The following EPHA4 variants were observed in gnomAD, a reference collection of about 807,000 sequenced individuals.
EPHA4 encodes the protein EPH receptor A4.
EPHA4 carries 19 observed loss-of-function variants against 108.3 expected under a neutral mutation model. The ratio of observed to expected loss-of-function variants is 0.18; its 90% CI spans 0.12 to 0.26. The LOEUF (loss-of-function observed/expected upper bound fraction) is 0.26. Among genes scored for constraint, EPHA4 ranks in the 10% least tolerant of loss-of-function variants. EPHA4 has a pLI of 1.00. For missense variants in EPHA4, 917 were observed against 1,254.0 expected (o/e 0.73, Z 4.06); for synonymous variants, 449 against 455.5 (o/e 0.99, Z 0.18).
rs537275762 is a variant in EPHA4 at position 221,542,907 on chromosome 2, A to T, written c.823+20824T>A. 9.8e-5 allele frequency among the ~76,000 whole-genome samples: 15 copies of T among 152,346 alleles called. No individual in the cohort carries two copies. In the South Asian group the frequency reaches 3.1e-3, roughly 32 times the overall value. On this transcript the variant is annotated intron_variant, in intron 3 of 17. Coordinates refer to ENST00000281821, the MANE Select transcript of EPHA4 (RefSeq NM_004438.5). ...AAAAACCTTGAGAAAGTAAAACTTTAAAAGAAGTTTTCTCACATGCAAGTG... is the reference window on the plus strand; with the variant it reads ...AAAAACCTTGAGAAAGTAAAACTTTTAAAGAAGTTTTCTCACATGCAAGTG...
chr2:221,553,711 C>T lies in EPHA4; in HGVS notation c.823+10020G>A, dbSNP rs190022295. On this transcript the variant is annotated intron_variant, in intron 3 of 17. Coordinates refer to ENST00000281821, the MANE Select transcript of EPHA4 (RefSeq NM_004438.5). The stretch of plus-strand genomic sequence containing the variant: ...AATATGAACAACATGGAACCTTTTT[C>T]GCCTTGCTTCTAAATTGTTAGCTTT... Among the ~76,000 whole-genome samples, 19 of 152,302 alleles carry T rather than the reference C, an allele frequency of 1.2e-4. No homozygotes were observed. In the East Asian group the frequency reaches 3.5e-3, roughly 28 times the overall value.
intron 16 of EPHA4, 90 bp downstream of exon 16, chr2:221,426,374 T>C: frequency 2.8e-6 from 4 of 1,447,794 alleles, no homozygotes; most frequent in Non-Finnish European, 3.7e-6. Context: ...TTTTTTTAAA[T>C]GAGTAGGATG....
chr2:221,535,360 G>T (rs570403310), intron 3 of EPHA4, among the ~76,000 whole-genome samples: 5 of 152,194 alleles, frequency 3.3e-5, no homozygotes, highest in Non-Finnish European at 7.3e-5. Flanking sequence ...GCAACCACTA[G>T]GGTTCATCAT....
chr2:221,519,533 G>C (rs1468025660), intron 3 of EPHA4, among the ~76,000 whole-genome samples: 1 of 152,184 alleles, frequency 6.6e-6, no homozygotes, highest in African/African-American at 2.4e-5. Flanking sequence ...CTCTTCAGAC[G>C]AATCCAACAG....
intron 17 of EPHA4, among the ~76,000 whole-genome samples, chr2:221,424,275 C>T (rs1689834219): frequency 6.6e-6 from 1 of 151,718 alleles, no homozygotes; most frequent in African/African-American, 2.4e-5. Flanking sequence ...GTTTTAAAAA[C>T]AAATTTCACA....
intron 15 of EPHA4, among the ~76,000 whole-genome samples, chr2:221,429,678 C>A (rs1251838734): frequency 1.3e-5 from 2 of 152,164 alleles, no homozygotes; most frequent in East Asian, 3.9e-4. Context: ...AAATTTCAGG[C>A]CTGGCATCCT....
intron 3 of EPHA4, among the ~76,000 whole-genome samples, chr2:221,545,647 A>G (rs1444939506): frequency 7.2e-5 from 11 of 152,138 alleles, no homozygotes; most frequent in Non-Finnish European, 1.6e-4. Context: ...TCTGAAACTA[A>G]GGATGGAATA....
intron 3 of EPHA4, among the ~76,000 whole-genome samples, chr2:221,513,515 GC>G (rs2106167272): frequency 6.6e-6 from 1 of 152,130 alleles, no homozygotes; most frequent in East Asian, 1.9e-4. Flanking sequence ...TGTTGATGGG[GC>G]CTGAGAATCA....
chr2:221,482,376 C>T lies in EPHA4; in HGVS notation c.1294G>A (p.Val432Ile). Residue 432 changes from valine (V) to isoleucine (I), a missense_variant, in exon 5 of 18, where the codon GTC becomes ATC. Transcript: ENST00000281821. ...CCTGCTTGGTTGGTGGTCACAGTGA[C>T]AGAAACTGATTGGTCTGGGTTAGGG... is the stretch of plus-strand genomic sequence containing the variant. ...YNPNPDQSVS[V>I]TVTTNQAAPS... is the part of the protein sequence containing the mutation. The T allele has an allele frequency of 6.2e-7, 1 of 1,608,808 alleles. No homozygotes were observed. Among genetic ancestry groups the T allele is most frequent in the East Asian group, 2.2e-5 (1 of 44,762 alleles).
intron 11 of EPHA4, among the ~76,000 whole-genome samples, chr2:221,441,320 C>A (rs895426473): frequency 6.6e-6 from 1 of 150,834 alleles, no homozygotes; most frequent in Non-Finnish European, 1.5e-5. Flanking sequence ...TATGGACAGG[C>A]GGCAGGGAAA....
At chr2:221,483,805 T>G (rs1691902043) in intron 4 of EPHA4, among the ~76,000 whole-genome samples, 1 of 152,026 alleles carries the variant, frequency 6.6e-6, no homozygotes, top group Non-Finnish European at 1.5e-5. Flanking sequence ...CGGCCATGAT[T>G]GGTCTTAATA....
upstream of EPHA4, chr2:221,572,846 C>G (rs1003898196): frequency 1.2e-4 from 19 of 152,408 alleles, no homozygotes; most frequent in African/African-American, 4.1e-4. Flanking sequence ...ATGGCGCTTC[C>G]CCCTCTGAAA....
chr2:221,520,412 C>A (rs1466719947), intron 3 of EPHA4, among the ~76,000 whole-genome samples: 2 of 152,094 alleles, frequency 1.3e-5, no homozygotes, highest in African/African-American at 2.4e-5. Flanking sequence ...CTTCTGTATA[C>A]AAACACATAT....
At position 221,487,060 on chromosome 2, in the gene EPHA4, T is replaced by C. The variant is rs375864684; in HGVS notation, c.980-4370A>G. 5.2e-4 allele frequency among the ~76,000 whole-genome samples: 79 copies of C among 152,276 alleles called. 3 individuals carry two copies. The South Asian group carries it at 0.011, about 22-fold the overall frequency. Reference sequence around the variant, plus strand: ...CTTTTTTTCATGGTTTAGAATTACTTTGGAAAAAGTAGAAAGGGCTATATA... The same window carrying C: ...CTTTTTTTCATGGTTTAGAATTACTCTGGAAAAAGTAGAAAGGGCTATATA... On this transcript the variant is annotated intron_variant, in intron 4 of 17. Transcript: ENST00000281821.
chr2:221,445,643 C>T (rs1690572663), intron 9 of EPHA4, among the ~76,000 whole-genome samples: 1 of 150,680 alleles, frequency 6.6e-6, no homozygotes, highest in Admixed American at 6.6e-5. Context: ...TCTAGAGCCA[C>T]TTTTAATGTC....
intron 11 of EPHA4, among the ~76,000 whole-genome samples, chr2:221,440,305 A>G (rs1046158793): frequency 1.3e-5 from 2 of 152,242 alleles, no homozygotes; most frequent in Non-Finnish European, 1.5e-5. Context: ...TGGGACTTTA[A>G]TACAAAGATC....
At chr2:221,561,727 G>A (rs1173089551) in intron 3 of EPHA4, among the ~76,000 whole-genome samples, 1 of 151,966 alleles carries the variant, frequency 6.6e-6, no homozygotes, top group African/African-American at 2.4e-5. Flanking sequence ...TCTAATTTTG[G>A]TTGTAAAAAT....
chr2:221,465,308 G>A (rs1412642724), intron 5 of EPHA4, among the ~76,000 whole-genome samples: 1 of 152,134 alleles, frequency 6.6e-6, no homozygotes, highest in Non-Finnish European at 1.5e-5. Flanking sequence ...AATTTTATAA[G>A]CCTTTTTTAT....
intron 3 of EPHA4, among the ~76,000 whole-genome samples, chr2:221,513,643 TA>T (rs879875008): frequency 7.2e-5 from 11 of 151,938 alleles, no homozygotes; most frequent in East Asian, 5.8e-4. Context: ...GGGTCACCTT[TA>T]AAAAAAATGA....
Sources: allele counts gnomAD v4.1 joint callset (sites outside exome capture counted in the v4.1 genomes callset), GRCh38; gene constraint gnomAD v4.1.1; transcripts MANE v1.5; gene names NCBI Gene and HGNC (gene_info 2026-07-23, HGNC 2026-07-21).